RPS2: variants seen among roughly 807,000 people sequenced by gnomAD.
RPS2 encodes the protein small ribosomal subunit protein uS5.
RPS2 carries 8 observed loss-of-function variants against 25.3 expected under a neutral mutation model. The ratio of observed to expected loss-of-function variants is 0.32; its 90% CI spans 0.19 to 0.57. RPS2 has a LOEUF of 0.57. Ranked by LOEUF, RPS2 falls within the 20% of genes least tolerant of loss-of-function variation. RPS2 has a pLI of 0.90. For missense variants in RPS2, 229 were observed against 408.1 expected (o/e 0.56, Z 3.78); for synonymous variants, 181 against 161.3 (o/e 1.12, Z -0.92).
At chr16:1,963,017 T>C (rs1567317369) in intron 4 of RPS2, 108 bp from the exon 5 acceptor site, 1 of 1,401,128 alleles carries the variant, frequency 7.1e-7, no homozygotes, top group Non-Finnish European at 1.0e-6. Context: ...GTAAGGCCCA[T>C]CCGAGGTCCT....
intron 2 of RPS2, 35 bp downstream of exon 2, chr16:1,964,414 C>T (rs1361898808): frequency 6.2e-7 from 1 of 1,612,912 alleles, no homozygotes; most frequent in Admixed American, 1.7e-5. Context: ...CCGGCGCCGC[C>T]CAGGGGCCCG....
In RPS2 at chr16:1,962,225, G is replaced by A; in HGVS notation, c.755C>T (p.Thr252Ile). The A allele has an allele frequency of 6.2e-7, 1 of 1,611,048 alleles. No homozygotes were observed. The change falls in exon 7 of 7, where the codon ACC (threonine) becomes ATC (isoleucine). Residue 252 changes from threonine to isoleucine, a missense_variant. Thr to Ile is a moderately conservative substitution (Grantham distance 89, BLOSUM62 -1). Transcript: ENST00000343262. Reference protein sequence around the residue: ...DAISKTYSYLTPDLWKETVFT... With the variant: ...DAISKTYSYLIPDLWKETVFT... ...TACAGTCTCCTTCCAGAGGTCGGGG[G>A]TCAGGTAGCTGTAGGTCTTAGAAAT...
intron 4 of RPS2, 52 bp from the exon 5 acceptor site, chr16:1,962,961 C>G: frequency 6.3e-7 from 1 of 1,581,650 alleles, no homozygotes; most frequent in Non-Finnish European, 8.6e-7. Flanking sequence ...CAATCACTGC[C>G]CACCGCCCAG....
Position 1,962,260 on chromosome 16 carries a change from G to C in RPS2, c.720C>G (p.Thr240=). The C allele has an allele frequency of 6.2e-7, 1 of 1,613,262 alleles. No individual in the cohort carries two copies. Among genetic ancestry groups the C allele is most frequent in the Non-Finnish European group, 8.5e-7 (1 of 1,179,656 alleles). The change falls in exon 7 of 7, where the codon ACC becomes ACG. Residue 240 remains threonine, a synonymous_variant. Coordinates refer to ENST00000343262, the MANE Select transcript of RPS2 (RefSeq NM_002952.4). ...TATLGNFAKA[T]FDAISKTYSY... ...TGTAGGTCTTAGAAATGGCATCAAA[G>C]GTGGCCTTGGCTGCAAAACAAAAGA... is the stretch of plus-strand genomic sequence containing the variant.
intron 3 of RPS2, 46 bp downstream of exon 3, chr16:1,964,230 G>A (rs1171907423): frequency 7.1e-7 from 1 of 1,409,152 alleles, no homozygotes; most frequent in Non-Finnish European, 1.0e-6. Context: ...CAGCCCAAAT[G>A]ACTCCGGGGT....
chr16:1,964,648 G>A lies in RPS2; in HGVS notation c.-3-20C>T, dbSNP rs767043774. 1.3e-5 allele frequency: 17 copies of A among 1,298,800 alleles called. No homozygotes were observed. The highest frequency in any genetic ancestry group is 3.2e-6 in the Non-Finnish European group (3 of 946,166). The allele number at this position is 1,298,800 out of a possible 1,614,324, so 80.5% of individuals were successfully genotyped here. A position where few individuals can be genotyped will look rare whatever the true frequency, so the allele number is the denominator to read the frequency against. ...CATTTGCTGGGAAAAGCGACAAGAA[G>A]GAACTAGTCAGTGTGGCCTACGCAT... On this transcript the variant is annotated intron_variant, in intron 1 of 6. Coordinates refer to ENST00000343262, the MANE Select transcript of RPS2 (RefSeq NM_002952.4).
At position 1,964,380 on chromosome 16, in the gene RPS2, G is replaced by C; in HGVS notation, c.178-15C>G. On this transcript the variant is annotated splice_polypyrimidine_tract_variant and intron_variant, in intron 2 of 6. Coordinates refer to ENST00000343262, the MANE Select transcript of RPS2 (RefSeq NM_002952.4). ...ACGGGCATCCACTAAAGGGAGAAAAGGCGCCAGTGACCAGGACCGCTCTCC... is the reference window on the plus strand; with the variant it reads ...ACGGGCATCCACTAAAGGGAGAAAACGCGCCAGTGACCAGGACCGCTCTCC... 1 of 1,613,392 alleles carries C rather than the reference G, an allele frequency of 6.2e-7. No individual in the cohort carries two copies. Among genetic ancestry groups the C allele is most frequent in the Non-Finnish European group, 8.5e-7 (1 of 1,179,980 alleles).
chr16:1,962,807 G>C lies in RPS2; in HGVS notation c.478C>G (p.Leu160Val). 1.2e-6 allele frequency: 2 copies of C among 1,611,122 alleles called. No homozygotes were observed. Among genetic ancestry groups the C allele is most frequent in the Non-Finnish European group, 1.7e-6 (2 of 1,179,646 alleles). Residue 160 changes from leucine (L) to valine (V), a missense_variant, in exon 5 of 7, where the codon CTC becomes GTC. Physicochemically the swap from Leu to Val is conservative, Grantham distance 32. Coordinates refer to ENST00000343262, the MANE Select transcript of RPS2 (RefSeq NM_002952.4). ...CCTCTGCGCACGGGGACGATGGAGA[G>C]CTTGGCCAGGATGATGGCCCCACGG... ...AIRGAIILAK[L>V]SIVPVRRGYW...
rs557847699 is a variant in RPS2, at chr16:1,963,275, T to A, written c.268-19A>T. ...CTGATTCCTGAAACAAACAAGAAAA[T>A]TGTAGGGAGAGCATTAAAAAAAAAC... On this transcript the variant is annotated intron_variant, in intron 3 of 6. Transcript: ENST00000343262. 6.9e-7 allele frequency: 1 copy of A among 1,440,986 alleles called. No individual in the cohort carries two copies. Among genetic ancestry groups the A allele is most frequent in the Non-Finnish European group, 9.4e-7 (1 of 1,059,870 alleles). The allele number at this position is 1,440,986 out of a possible 1,614,324, so 89.3% of individuals were successfully genotyped here. A position where few individuals can be genotyped will look rare whatever the true frequency, so the allele number is the denominator to read the frequency against.
rs115415410 is a variant in RPS2 at position 1,963,451 on chromosome 16, T to C, written c.268-195A>G. Among the ~76,000 whole-genome samples the C allele has an allele frequency of 0.038, 5,794 of 152,120 alleles. 170 individuals are homozygous for C. The highest frequency in any genetic ancestry group is 0.078 in the African/African-American group (3,215 of 41,482). On this transcript the variant is annotated intron_variant, in intron 3 of 6. Coordinates refer to ENST00000343262, the MANE Select transcript of RPS2 (RefSeq NM_002952.4). ...GCCACATGGTGAAACCCCACCTCTA[T>C]TAAAGACACAAAAAATTAGCCGGGC... is the stretch of plus-strand genomic sequence containing the variant.
Position 1,964,248 on chromosome 16 carries a change from G to A in RPS2, c.267+28C>T, listed in dbSNP as rs776499854. On this transcript the variant is annotated intron_variant, in intron 3 of 6. Coordinates refer to ENST00000343262, the MANE Select transcript of RPS2 (RefSeq NM_002952.4). ...CCCAAATGACTCCGGGGTCGCACTT[G>A]CTCAACGCCCCAACGACCGACGCGT... is the stretch of plus-strand genomic sequence containing the variant. 3.8e-6 allele frequency: 6 copies of A among 1,568,296 alleles called. No homozygotes were observed. The African/African-American group carries it at 5.4e-5, about 14-fold the overall frequency.
intron 4 of RPS2, 29 bp from the exon 5 acceptor site, chr16:1,962,938 G>A (rs2083269852): frequency 3.8e-6 from 6 of 1,597,178 alleles, no homozygotes; most frequent in Non-Finnish European, 5.1e-6. Flanking sequence ...GAGGCAGCTG[G>A]TGGCCCTACA....
rs374384493 is a variant in RPS2, at chr16:1,962,924, G to T, written c.376-15C>A. The T allele has an allele frequency of 3.8e-6, 6 of 1,597,678 alleles. No homozygotes were observed. In the Admixed American group the frequency reaches 5.0e-5, roughly 13 times the overall value. ...GCAACAAATGCCTGCGAAAAGATGT[G>T]TGTGAGGCAGCTGGTGGCCCTACAC... On this transcript the variant is annotated splice_polypyrimidine_tract_variant and intron_variant, in intron 4 of 6. Coordinates refer to ENST00000343262, the MANE Select transcript of RPS2 (RefSeq NM_002952.4).
chr16:1,964,163 A>C, intron 3 of RPS2, 113 bp downstream of exon 3: 3 of 802,314 alleles, frequency 3.7e-6, no homozygotes, highest in Non-Finnish European at 6.3e-6. Context: ...TCAACCTCTC[A>C]CGCGAGACGC....
chr16:1,962,289 C>T lies in RPS2; in HGVS notation c.710-19G>A, dbSNP rs757460613. 8.3e-5 allele frequency: 133 copies of T among 1,610,390 alleles called. No individual in the cohort carries two copies. Among genetic ancestry groups the T allele is most frequent in the Middle Eastern group, 1.6e-4 (1 of 6,074 alleles). On this transcript the variant is annotated intron_variant, in intron 6 of 6. Transcript: ENST00000343262. ...GCCTTGGCTGCAAAACAAAAGAACC[C>T]CAGGAGGGTCAGTGGTGTGCTTGAG...
chr16:1,963,018 C>A, intron 4 of RPS2, 109 bp from the exon 5 acceptor site: 3 of 1,404,240 alleles, frequency 2.1e-6, no homozygotes, highest in Non-Finnish European at 3.0e-6. Flanking sequence ...TAAGGCCCAT[C>A]CGAGGTCCTG....
In RPS2 at chr16:1,964,276, C is replaced by T. The variant is rs1470926294; in HGVS notation, c.267G>A (p.Lys89=). The T allele has an allele frequency of 2.5e-6, 4 of 1,610,970 alleles. No homozygotes were observed. In the Admixed American group the frequency reaches 6.7e-5, roughly 27 times the overall value. The change falls in exon 3 of 7, where the codon AAG becomes AAA. Residue 89 remains lysine, a splice_region_variant and synonymous_variant. Coordinates refer to ENST00000343262, the MANE Select transcript of RPS2 (RefSeq NM_002952.4). ...CAACGCCCCAACGACCGACGCGTAC[C>T]TTAATAGGCAGGGAGAAGAGATAGA... ...EEIYLFSLPI[K]ESEIIDFFLG... is the part of the protein sequence containing the mutation.
At chr16:1,962,950 C>G (rs1196795884) in intron 4 of RPS2, 41 bp from the exon 5 acceptor site, 4 of 1,590,202 alleles carry the variant, frequency 2.5e-6, no homozygotes, top group Non-Finnish European at 3.4e-6. Flanking sequence ...GGCCCTACAC[C>G]CAATCACTGC....
At position 1,962,522 on chromosome 16, in the gene RPS2, G is replaced by A. The variant is rs16951436; in HGVS notation, c.684C>T (p.Gly228=). 6.2e-7 allele frequency: 1 copy of A among 1,611,974 alleles called. No individual in the cohort carries two copies. The highest frequency in any genetic ancestry group is 8.5e-7 in the Non-Finnish European group (1 of 1,179,582). Residue 228 remains glycine, a synonymous_variant, in exon 6 of 7, where the codon GGC becomes GGT. Coordinates refer to ENST00000343262, the MANE Select transcript of RPS2 (RefSeq NM_002952.4). Reference sequence around the variant, plus strand: ...CGAAGTTGCCCAGGGTGGCAGTGCAGCCCCGGGCTGAGGTGTAGCAGTCAT... The same window carrying A: ...CGAAGTTGCCCAGGGTGGCAGTGCAACCCCGGGCTGAGGTGTAGCAGTCAT... The part of the protein sequence containing the change: ...GIDDCYTSAR[G]CTATLGNFAK...
Sources: allele counts gnomAD v4.1 joint callset (sites outside exome capture counted in the v4.1 genomes callset), GRCh38; gene constraint gnomAD v4.1.1; transcripts MANE v1.5; gene names NCBI Gene and HGNC (gene_info 2026-07-23, HGNC 2026-07-21).